INHBB: variants seen among roughly 807,000 people sequenced by gnomAD.
The protein encoded by INHBB is inhibin beta B chain.
INHBB carries 8 observed loss-of-function variants against 28.9 expected under a neutral mutation model. The observed-to-expected ratio is 0.28, with a 90% CI of 0.16 to 0.50. INHBB has a LOEUF of 0.50. INHBB is among the 20% of genes least tolerant of loss of function. The pLI, the probability that INHBB is intolerant of heterozygous loss-of-function variation, is 0.98. For missense variants in INHBB, 499 were observed against 597.8 expected, an observed-to-expected ratio of 0.83 and a Z score of 1.72; for synonymous variants, 293 against 262.7, an observed-to-expected ratio of 1.12 and a Z score of -1.12.
rs775328165 is a variant in INHBB, at chr2:120,346,634, C to T, written c.446C>T (p.Thr149Ile). 1 of 1,439,922 alleles carries T rather than the reference C, an allele frequency of 6.9e-7. No homozygotes were observed. 89.2% of individuals were successfully genotyped at this position (1,439,922 alleles called of 1,614,324 possible). ...TCCGAAATCATCAGCTTCGCCGAGA[C>T]AGGTGGGTCCGGCCCTCCGGCTGTC... ...RVSEIISFAE[T>I]DGLASSRVRL... The change falls in exon 1 of 2, where the codon ACA becomes ATA. Residue 149 changes from threonine (T) to isoleucine (I), a missense_variant and splice_region_variant. This residue lies in a region of INHBB where 385 missense variants were observed against 415.2 expected (regional missense o/e 0.93). Coordinates refer to ENST00000295228, the MANE Select transcript of INHBB (RefSeq NM_002193.4).
Position 120,349,444 on chromosome 2 carries a change from T to C in INHBB, c.794T>C (p.Val265Ala), listed in dbSNP as rs760009603. ...GAGCTGGCCGTGGTGCCGGTGTTCG[T>C]GGACCCAGGCGAAGAGTCGCACCGG... ...CQELAVVPVF[V>A]DPGEESHRPF... Residue 265 changes from valine (V) to alanine (A), a missense_variant, in exon 2 of 2, where the codon GTG (valine) becomes GCG (alanine). By Grantham distance (64) the Val-to-Ala change is moderately conservative (BLOSUM62 0). This residue lies in a region of INHBB where 385 missense variants were observed against 415.2 expected (regional missense o/e 0.93). Coordinates refer to ENST00000295228, the MANE Select transcript of INHBB (RefSeq NM_002193.4). This position sits in a 1 kb window ranked among gnomAD's most constrained non-coding sequence, Gnocchi z 5.6. 1.9e-6 allele frequency: 3 copies of C among 1,613,600 alleles called. No individual in the cohort carries two copies. The Admixed American group carries it at 5.0e-5, about 27-fold the overall frequency.
chr2:120,350,007 G>C lies in INHBB; in HGVS notation c.*133G>C. On this transcript the variant is annotated 3_prime_UTR_variant, in exon 2 of 2. Coordinates refer to ENST00000295228, the MANE Select transcript of INHBB (RefSeq NM_002193.4). ...TGTTGGGCTGTGGAGATAGTGCCAG[G>C]GTGCGGCCTGAGATATTTTTCTACA... 1 of 874,514 alleles carries C rather than the reference G, an allele frequency of 1.1e-6. No homozygotes were observed. The highest frequency in any genetic ancestry group is 1.7e-6 in the Non-Finnish European group (1 of 580,200). The allele number at this position is 874,514 out of a possible 1,614,324, so 54.2% of individuals were successfully genotyped here. A position where few individuals can be genotyped will look rare whatever the true frequency, so the allele number is the denominator to read the frequency against.
In INHBB at chr2:120,349,543, G is replaced by T; in HGVS notation, c.893G>T (p.Gly298Val). The T allele has an allele frequency of 1.2e-6, 2 of 1,614,000 alleles. No homozygotes were observed. The highest frequency in any genetic ancestry group is 1.7e-6 in the Non-Finnish European group (2 of 1,180,036). ...RIRKRGLECD[G>V]RTNLCCRQQF... The stretch of plus-strand genomic sequence containing the variant: ...CGCAAGCGAGGCCTGGAGTGCGATG[G>T]CCGGACCAACCTCTGTTGCAGGCAA... The change falls in exon 2 of 2, where the codon GGC becomes GTC. Residue 298 changes from glycine (G) to valine (V), a missense_variant. Coordinates refer to ENST00000295228, the MANE Select transcript of INHBB (RefSeq NM_002193.4). This position sits in a 1 kb window ranked among gnomAD's most constrained non-coding sequence, Gnocchi z 5.6.
chr2:120,346,450 A>T lies in INHBB; in HGVS notation c.262A>T (p.Met88Leu). ...GCGGCACATCTTGAGCCGCCTGCAG[A>T]TGCGGGGCCGGCCCAACATCACGCA... Reference protein sequence around the residue: ...VKRHILSRLQMRGRPNITHAV... With the variant: ...VKRHILSRLQLRGRPNITHAV... The change falls in exon 1 of 2, where the codon ATG becomes TTG. Residue 88 changes from methionine to leucine, a missense_variant. This residue lies in a region of INHBB where 385 missense variants were observed against 415.2 expected (regional missense o/e 0.93). Coordinates refer to ENST00000295228, the MANE Select transcript of INHBB (RefSeq NM_002193.4). 1.3e-6 allele frequency: 2 copies of T among 1,556,700 alleles called. No homozygotes were observed. Among genetic ancestry groups the T allele is most frequent in the Non-Finnish European group, 1.7e-6 (2 of 1,159,396 alleles).
rs576415245 is a variant in INHBB, at chr2:120,350,689, T to G, written c.*815T>G. On this transcript the variant is annotated 3_prime_UTR_variant, in exon 2 of 2. Coordinates refer to ENST00000295228, the MANE Select transcript of INHBB (RefSeq NM_002193.4). ...ATCTCCAACAGTTGACAGGTCATCCTTGCCAGTTGTATAACTGAAAAAGGA... is the reference window on the plus strand; with the variant it reads ...ATCTCCAACAGTTGACAGGTCATCCGTGCCAGTTGTATAACTGAAAAAGGA... 2.0e-5 allele frequency: 3 copies of G among 152,402 alleles called. No individual in the cohort carries two copies. Among genetic ancestry groups the G allele is most frequent in the African/African-American group, 7.2e-5 (3 of 41,580 alleles). The allele number at this position is 152,402 out of a possible 1,614,324, so 9.4% of individuals were successfully genotyped here.
In INHBB at chr2:120,349,838, G is replaced by A; in HGVS notation, c.1188G>A (p.Val396=). ...AGTACAACATCGTCAAGCGGGACGTGCCCAACATGATTGTGGAGGAGTGCG... is the reference window on the plus strand; with the variant it reads ...AGTACAACATCGTCAAGCGGGACGTACCCAACATGATTGTGGAGGAGTGCG... ...DDEYNIVKRD[V]PNMIVEECGC... Residue 396 remains valine, a synonymous_variant, in exon 2 of 2, where the codon GTG becomes GTA. Coordinates refer to ENST00000295228, the MANE Select transcript of INHBB (RefSeq NM_002193.4). The surrounding 1 kb of genome is among the most constrained non-coding windows in gnomAD (Gnocchi z 5.6). 2 of 1,612,830 alleles carry A rather than the reference G, an allele frequency of 1.2e-6. No individual in the cohort carries two copies. Among genetic ancestry groups the A allele is most frequent in the East Asian group, 2.2e-5 (1 of 44,866 alleles).
At chr2:120,348,770 C>T (rs1180091816) in intron 1 of INHBB, among the ~76,000 whole-genome samples, 1 of 150,388 alleles carries the variant, frequency 6.6e-6, no homozygotes, top group Non-Finnish European at 1.5e-5. Context: ...TTGTTAAGAT[C>T]TTGGCCCCCT....
In INHBB at chr2:120,346,487, A is replaced by T. The variant is rs770515821; in HGVS notation, c.299A>T (p.Lys100Met). Residue 100 changes from lysine to methionine, a missense_variant, in exon 1 of 2, where the codon AAG becomes ATG. Physicochemically the swap from Lys to Met is moderately conservative, Grantham distance 95. Around this residue, in one of 2 missense-constraint regions of INHBB, gnomAD observed 385 missense variants for 415.2 expected, o/e 0.93. Transcript: ENST00000295228. ...GRPNITHAVP[K>M]AAMVTALRKL... Reference sequence around the variant, plus strand: ...CCCAACATCACGCACGCCGTGCCTAAGGCCGCCATGGTCACGGCCCTGCGC... The same window carrying T: ...CCCAACATCACGCACGCCGTGCCTATGGCCGCCATGGTCACGGCCCTGCGC... 1 of 1,557,574 alleles carries T rather than the reference A, an allele frequency of 6.4e-7. No individual in the cohort carries two copies. The highest frequency in any genetic ancestry group is 8.6e-7 in the Non-Finnish European group (1 of 1,160,454).
chr2:120,346,286 C>A lies in INHBB; in HGVS notation c.98C>A (p.Pro33Gln). 7.3e-7 allele frequency: 1 copy of A among 1,371,516 alleles called. No homozygotes were observed. The highest frequency in any genetic ancestry group is 9.3e-7 in the Non-Finnish European group (1 of 1,070,988). The allele number at this position is 1,371,516 out of a possible 1,614,324, so 85.0% of individuals were successfully genotyped here. Reference protein sequence around the residue: ...GPEAWGSPTPPPTPAAPPPPP... With the variant: ...GPEAWGSPTPQPTPAAPPPPP... ...GAGGCCTGGGGCTCACCCACGCCCC[C>A]GCCGACGCCTGCCGCGCCGCCGCCA... Residue 33 changes from proline (P) to glutamine (Q), a missense_variant, in exon 1 of 2, where the codon CCG (proline) becomes CAG (glutamine). Physicochemically the swap from Pro to Gln is moderately conservative, Grantham distance 76. This residue lies in a region of INHBB where 385 missense variants were observed against 415.2 expected (regional missense o/e 0.93). Coordinates refer to ENST00000295228, the MANE Select transcript of INHBB (RefSeq NM_002193.4).
intron 1 of INHBB, among the ~76,000 whole-genome samples, chr2:120,348,287 T>C (rs1156539679): frequency 6.8e-6 from 1 of 146,252 alleles, no homozygotes; most frequent in African/African-American, 2.6e-5. Flanking sequence ...GTCACCGGAA[T>C]GTAGGATGAG....
rs866140688 is a variant in INHBB, at chr2:120,347,403, C to T, written c.448+767C>T. Among the ~76,000 whole-genome samples, 18 of 148,556 alleles carry T rather than the reference C, an allele frequency of 1.2e-4. 1 individual carries two copies. Among genetic ancestry groups the T allele is most frequent in the East Asian group, 2.0e-4 (1 of 4,986 alleles). On this transcript the variant is annotated intron_variant, in intron 1 of 1. Coordinates refer to ENST00000295228, the MANE Select transcript of INHBB (RefSeq NM_002193.4). Reference sequence around the variant, plus strand: ...GCTCCTTTCTGGAATCCGCCCCCCCCCCCGGCCCCAGATTGCAAATCTCTA... The same window carrying T: ...GCTCCTTTCTGGAATCCGCCCCCCCTCCCGGCCCCAGATTGCAAATCTCTA...
chr2:120,346,738 C>A, intron 1 of INHBB, 102 bp downstream of exon 1: 1 of 1,230,860 alleles, frequency 8.1e-7, no homozygotes, highest in Non-Finnish European at 1.1e-6. Flanking sequence ...AGCCCGCGCG[C>A]CCTGGGGCAG....
intron 1 of INHBB, among the ~76,000 whole-genome samples, chr2:120,346,901 C>G (rs1203944778): frequency 6.6e-6 from 1 of 152,234 alleles, no homozygotes; most frequent in Non-Finnish European, 1.5e-5. Context: ...GAATCGGGCC[C>G]CAGCGCCTCT....
chr2:120,349,696 C>T lies in INHBB; in HGVS notation c.1046C>T (p.Ser349Phe), dbSNP rs1691226639. Reference protein sequence around the residue: ...YLAGVPGSASSFHTAVVNQYR... With the variant: ...YLAGVPGSASFFHTAVVNQYR... ...GCAGGGGTCCCCGGCTCTGCCTCCTCCTTCCACACGGCTGTGGTGAACCAG... is the reference window on the plus strand; with the variant it reads ...GCAGGGGTCCCCGGCTCTGCCTCCTTCTTCCACACGGCTGTGGTGAACCAG... The change falls in exon 2 of 2, where the codon TCC becomes TTC. Residue 349 changes from serine to phenylalanine, a missense_variant. Physicochemically the swap from Ser to Phe is radical, Grantham distance 155. Around this residue, in one of 2 missense-constraint regions of INHBB, gnomAD observed 114 missense variants for 182.6 expected, o/e 0.62. Coordinates refer to ENST00000295228, the MANE Select transcript of INHBB (RefSeq NM_002193.4). This position sits in a 1 kb window ranked among gnomAD's most constrained non-coding sequence, Gnocchi z 5.6. 1 of 1,613,858 alleles carries T rather than the reference C, an allele frequency of 6.2e-7. No homozygotes were observed. Among genetic ancestry groups the T allele is most frequent in the African/African-American group, 1.3e-5 (1 of 75,060 alleles).
At chr2:120,348,563 G>A (rs931919364) in intron 1 of INHBB, among the ~76,000 whole-genome samples, 1 of 150,510 alleles carries the variant, frequency 6.6e-6, no homozygotes, top group Non-Finnish European at 1.5e-5. Flanking sequence ...TGCAGTGGAG[G>A]TTCCACTGGG....
In INHBB at chr2:120,346,200, G is replaced by A. The variant is rs1243094267; in HGVS notation, c.12G>A (p.Leu4=). 4.4e-5 allele frequency: 52 copies of A among 1,194,564 alleles called. No individual in the cohort carries two copies. Among genetic ancestry groups the A allele is most frequent in the Non-Finnish European group, 4.8e-5 (46 of 964,866 alleles). 74.0% of individuals were successfully genotyped at this position (1,194,564 alleles called of 1,614,324 possible). ...GCCAGCGGCGCACCATGGACGGGCTGCCCGGTCGGGCGCTGGGGGCCGCCT... is the reference window on the plus strand; with the variant it reads ...GCCAGCGGCGCACCATGGACGGGCTACCCGGTCGGGCGCTGGGGGCCGCCT... MDG[L]PGRALGAACL... Residue 4 remains leucine (L), a synonymous_variant, in exon 1 of 2, where the codon CTG becomes CTA. Coordinates refer to ENST00000295228, the MANE Select transcript of INHBB (RefSeq NM_002193.4).
At position 120,349,334 on chromosome 2, in the gene INHBB, C is replaced by T; in HGVS notation, c.684C>T (p.Thr228=). The T allele has an allele frequency of 6.2e-7, 1 of 1,614,126 alleles. No individual in the cohort carries two copies. Among genetic ancestry groups the T allele is most frequent in the Non-Finnish European group, 8.5e-7 (1 of 1,180,008 alleles). The change falls in exon 2 of 2, where the codon ACC becomes ACT. Residue 228 remains threonine (T), a synonymous_variant. Transcript: ENST00000295228. This position sits in a 1 kb window ranked among gnomAD's most constrained non-coding sequence, Gnocchi z 5.6. ...ACCTCAAGCGCAGCGGCTGGCATAC[C>T]TTCCCACTCACGGAGGCCATCCAGG... ...RVDLKRSGWH[T]FPLTEAIQAL... is the part of the protein sequence containing the mutation.
chr2:120,349,655 C>G lies in INHBB; in HGVS notation c.1005C>G (p.Ser335Arg). 1 of 1,613,778 alleles carries G rather than the reference C, an allele frequency of 6.2e-7. No homozygotes were observed. The highest frequency in any genetic ancestry group is 8.5e-7 in the Non-Finnish European group (1 of 1,180,028). Reference protein sequence around the residue: ...TGYYGNYCEGSCPAYLAGVPG... With the variant: ...TGYYGNYCEGRCPAYLAGVPG... ...ACTACGGGAACTACTGTGAGGGCAG[C>G]TGCCCAGCCTACCTGGCAGGGGTCC... The change falls in exon 2 of 2, where the codon AGC becomes AGG. Residue 335 changes from serine (S) to arginine (R), a missense_variant. Physicochemically the swap from Ser to Arg is moderately radical, Grantham distance 110. Around this residue, in one of 2 missense-constraint regions of INHBB, gnomAD observed 114 missense variants for 182.6 expected, o/e 0.62. Transcript: ENST00000295228. The surrounding 1 kb of genome is among the most constrained non-coding windows in gnomAD (Gnocchi z 5.6).
In INHBB at chr2:120,351,187, A is replaced by C. The variant is rs1023344606; in HGVS notation, c.*1313A>C. On this transcript the variant is annotated 3_prime_UTR_variant, in exon 2 of 2. Transcript: ENST00000295228. ...CGAGCGCCGAACTCGCTCGCCCTCT[A>C]GATGTCCAAGTGCCACGTGAACTAT... is the stretch of plus-strand genomic sequence containing the variant. 6.5e-6 allele frequency: 1 copy of C among 152,686 alleles called. No individual in the cohort carries two copies. Among genetic ancestry groups the C allele is most frequent in the Non-Finnish European group, 1.5e-5 (1 of 68,050 alleles). 9.5% of individuals were successfully genotyped at this position (152,686 alleles called of 1,614,324 possible).
Sources: gnomAD v4.1 joint callset for allele counts (sites outside exome capture counted in the v4.1 genomes callset) on GRCh38, gnomAD v4.1.1 for gene constraint, gnomAD v4.1.1 regional missense constraint, Gnocchi (gnomAD v3.1) non-coding constraint, MANE v1.5 for transcripts, NCBI Gene and HGNC (gene_info 2026-07-23, HGNC 2026-07-21) for gene names.